SCHIP1: variants seen among roughly 807,000 people sequenced by gnomAD.
The protein encoded by SCHIP1 is schwannomin-interacting protein 1.
A neutral mutation model predicts 29.7 loss-of-function variants in SCHIP1; 8 were observed. The observed-to-expected ratio is 0.27, with a 90% CI of 0.16 to 0.49. The LOEUF (loss-of-function observed/expected upper bound fraction) is 0.49. SCHIP1 is among the 20% of genes least tolerant of loss of function. The probability of loss-of-function intolerance (pLI) is 0.99; values close to 1 mark genes in which losing one functional copy is unlikely to be tolerated. For synonymous variants in SCHIP1, 76 were observed against 94.9 expected (o/e 0.80, Z 1.16); for missense variants, 193 against 294.6 (o/e 0.66, Z 2.52).
chr3:159,595,302 C>T, the SCHIP1 span, among the ~76,000 whole-genome samples: 7 of 152,106 alleles, frequency 4.6e-5, no homozygotes, highest in Admixed American at 2.0e-4. Context: ...ATTTAACTGT[C>T]CAGAGATGTT....
At chr3:159,587,614 C>T in the SCHIP1 span, among the ~76,000 whole-genome samples, 1 of 152,086 alleles carries the variant, frequency 6.6e-6, no homozygotes, top group African/African-American at 2.4e-5. Flanking sequence ...TGCTATCCCT[C>T]CCCCCTTTCC....
At chr3:159,822,305 A>G in the SCHIP1 span, among the ~76,000 whole-genome samples, 1 of 152,142 alleles carries the variant, frequency 6.6e-6, no homozygotes, top group Non-Finnish European at 1.5e-5. Context: ...AGACACAGAG[A>G]GAGAGGAGAG....
the SCHIP1 span, among the ~76,000 whole-genome samples, chr3:159,609,389 CTATTA>C: frequency 5.3e-5 from 8 of 152,146 alleles, no homozygotes; most frequent in African/African-American, 1.9e-4. Context: ...GAAAAATGCT[CTATTA>C]TGTCACTTTA....
chr3:159,339,980 A>C, the SCHIP1 span, among the ~76,000 whole-genome samples: 2 of 152,226 alleles, frequency 1.3e-5, no homozygotes, highest in Middle Eastern at 6.8e-3. Flanking sequence ...AATTATTAGA[A>C]TTATTAGAAT....
chr3:159,619,898 T>C, the SCHIP1 span, among the ~76,000 whole-genome samples: 71 of 152,324 alleles, frequency 4.7e-4, no homozygotes, highest in South Asian at 0.015. Context: ...AAAGGGGGAA[T>C]GCTAAAACAT....
At chr3:159,704,792 A>G in the SCHIP1 span, among the ~76,000 whole-genome samples, 1 of 152,060 alleles carries the variant, frequency 6.6e-6, no homozygotes. Context: ...CAGCAACACA[A>G]TTGTAATAAT....
intron 2 of SCHIP1, among the ~76,000 whole-genome samples, chr3:159,876,067 TTTATGTATGGCA>T (rs1337716993): frequency 6.6e-6 from 1 of 152,192 alleles, no homozygotes; most frequent in Non-Finnish European, 1.5e-5. Flanking sequence ...AGACAGAATA[TTTATGTATGGCA>T]TTAGAAAATC....
At chr3:159,797,381 A>C in the SCHIP1 span, among the ~76,000 whole-genome samples, 1 of 152,192 alleles carries the variant, frequency 6.6e-6, no homozygotes, top group Admixed American at 6.5e-5. Context: ...TTTACTTTAA[A>C]ATGAATTAAG....
chr3:159,274,020 A>G, the SCHIP1 span: 16 of 1,487,354 alleles, frequency 1.1e-5, no homozygotes, highest in South Asian at 2.0e-4. Context: ...TTCAGAATTA[A>G]GCATTTAAGG....
chr3:159,865,117 T>C (rs1383797247), intron 1 of SCHIP1, among the ~76,000 whole-genome samples: 1 of 152,192 alleles, frequency 6.6e-6, no homozygotes, highest in African/African-American at 2.4e-5. Context: ...AAGCCTTTAG[T>C]AGCCACACCC....
chr3:159,572,608 A>G, the SCHIP1 span, among the ~76,000 whole-genome samples: 3 of 152,132 alleles, frequency 2.0e-5, no homozygotes, highest in East Asian at 1.9e-4. Context: ...TTTGGGATGG[A>G]GAGTTCTGTA....
At chr3:159,783,683 A>T in the SCHIP1 span, among the ~76,000 whole-genome samples, 1 of 152,134 alleles carries the variant, frequency 6.6e-6, no homozygotes, top group Non-Finnish European at 1.5e-5. Flanking sequence ...ACGTGGGAAG[A>T]AGCTGTTTAA....
the SCHIP1 span, among the ~76,000 whole-genome samples, chr3:159,310,090 T>C: frequency 1.3e-5 from 2 of 152,212 alleles, no homozygotes; most frequent in Non-Finnish European, 2.9e-5. Context: ...GCTTTAGGCA[T>C]GCCCAAGTCT....
the SCHIP1 span, among the ~76,000 whole-genome samples, chr3:159,433,961 G>A: frequency 6.6e-6 from 1 of 152,178 alleles, no homozygotes; most frequent in African/African-American, 2.4e-5. Flanking sequence ...AGTAACACTT[G>A]TAGTTATAGT....
At chr3:159,426,295 A>G in the SCHIP1 span, among the ~76,000 whole-genome samples, 302 of 152,338 alleles carry the variant, frequency 2.0e-3, 1 homozygote, top group African/African-American at 7.0e-3. Flanking sequence ...AGCAAGACTA[A>G]TAAAGAAAAA....
the SCHIP1 span, among the ~76,000 whole-genome samples, chr3:159,814,714 C>T: frequency 6.6e-6 from 1 of 152,246 alleles, no homozygotes; most frequent in Non-Finnish European, 1.5e-5. Flanking sequence ...TCACTGCCAA[C>T]TGTCCTCTTC....
chr3:159,630,538 T>C, the SCHIP1 span, among the ~76,000 whole-genome samples: 6 of 152,184 alleles, frequency 3.9e-5, no homozygotes, highest in African/African-American at 1.4e-4. Context: ...TGCAGCAACC[T>C]GGATGGAATT....
the SCHIP1 span, among the ~76,000 whole-genome samples, chr3:159,601,863 G>C: frequency 6.6e-6 from 1 of 152,184 alleles, no homozygotes; most frequent in Non-Finnish European, 1.5e-5. Flanking sequence ...GTGGTCACTG[G>C]GTAATGTCAG....
chr3:159,679,721 C>T, the SCHIP1 span, among the ~76,000 whole-genome samples: 1 of 152,126 alleles, frequency 6.6e-6, no homozygotes, highest in East Asian at 1.9e-4. Context: ...ATGATGGCCC[C>T]GAGGAAGAAA....
Sources: gnomAD v4.1 joint callset for allele counts (sites outside exome capture counted in the v4.1 genomes callset) on GRCh38, gnomAD v4.1.1 for gene constraint, MANE v1.5 for transcripts, NCBI Gene and HGNC (gene_info 2026-07-23, HGNC 2026-07-21) for gene names.